The following IL21R variants were observed in gnomAD, a reference collection of about 807,000 sequenced individuals.
IL21R encodes the protein interleukin 21 receptor.
A neutral mutation model predicts 41.3 loss-of-function variants in IL21R; 14 were observed. The ratio of observed to expected loss-of-function variants is 0.34; its 90% CI spans 0.22 to 0.53. The LOEUF is 0.53. Ranked by LOEUF, IL21R falls within the 20% of genes least tolerant of loss-of-function variation. The probability of loss-of-function intolerance (pLI) is 0.94; values close to 1 mark genes in which losing one functional copy is unlikely to be tolerated. For synonymous variants in IL21R, 286 were observed against 287.6 expected, an observed-to-expected ratio of 0.99 and a Z score of 0.05; for missense variants, 588 against 681.6, an observed-to-expected ratio of 0.86 and a Z score of 1.53.
chr16:27,421,125 A>C (rs2086992967), intron 1 of IL21R, among the ~76,000 whole-genome samples: 1 of 152,136 alleles, frequency 6.6e-6, no homozygotes, highest in Non-Finnish European at 1.5e-5. Flanking sequence ...ACATAAATAT[A>C]TGCACTTCTT....
At chr16:27,412,311 AG>A (rs1870858754) in intron 1 of IL21R, among the ~76,000 whole-genome samples, 1 of 152,088 alleles carries the variant, frequency 6.6e-6, no homozygotes, top group Non-Finnish European at 1.5e-5. Flanking sequence ...TCTGTATGCC[AG>A]TACCATACTA....
intron 1 of IL21R, among the ~76,000 whole-genome samples, chr16:27,427,716 G>A (rs1420955668): frequency 6.6e-6 from 1 of 152,190 alleles, no homozygotes; most frequent in Non-Finnish European, 1.5e-5. Flanking sequence ...ACAGAGCTAT[G>A]TCAGGACTCG....
intron 1 of IL21R, among the ~76,000 whole-genome samples, chr16:27,414,284 T>C (rs2086864897): frequency 6.6e-6 from 1 of 152,014 alleles, no homozygotes; most frequent in Admixed American, 6.6e-5. Flanking sequence ...AAATGTGCTT[T>C]CTGAACTTAT....
intron 3 of IL21R, among the ~76,000 whole-genome samples, chr16:27,434,695 G>A (rs1406019415): frequency 6.6e-6 from 1 of 152,158 alleles, no homozygotes; most frequent in Non-Finnish European, 1.5e-5. Flanking sequence ...TTTCCCGCAT[G>A]ATTTTTCAAG....
chr16:27,437,484 G>C lies in IL21R; in HGVS notation c.153-4G>C. 1 of 1,612,934 alleles carries C rather than the reference G, an allele frequency of 6.2e-7. No homozygotes were observed. The highest frequency in any genetic ancestry group is 8.5e-7 in the Non-Finnish European group (1 of 1,179,904). On this transcript the variant is annotated splice_region_variant and splice_polypyrimidine_tract_variant and intron_variant, in intron 3 of 8. Coordinates refer to ENST00000337929, the MANE Select transcript of IL21R (RefSeq NM_181078.3). ...AGCCATGACCGGCTGCTTTGTCCTT[G>C]AAGGCAAGACCAGTATGAAGAGCTG...
At chr16:27,423,877 A>G (rs959575313) in intron 1 of IL21R, among the ~76,000 whole-genome samples, 1 of 152,192 alleles carries the variant, frequency 6.6e-6, no homozygotes, top group Non-Finnish European at 1.5e-5. Context: ...TAGGTAGGGC[A>G]TGTGTTCGCT....
chr16:27,408,941 T>G (rs1213903674), intron 1 of IL21R, among the ~76,000 whole-genome samples: 1 of 152,146 alleles, frequency 6.6e-6, no homozygotes, highest in Non-Finnish European at 1.5e-5. Context: ...TTGTAAATAA[T>G]GGCTGCTATG....
chr16:27,419,529 G>T (rs940640489), intron 1 of IL21R, among the ~76,000 whole-genome samples: 21 of 151,996 alleles, frequency 1.4e-4, no homozygotes, highest in African/African-American at 4.8e-4. Context: ...CTGGGTTCAT[G>T]CGATTCTTGT....
chr16:27,430,805 C>A (rs539724539), intron 2 of IL21R, among the ~76,000 whole-genome samples: 1 of 152,162 alleles, frequency 6.6e-6, no homozygotes, highest in African/African-American at 2.4e-5. Flanking sequence ...AGAGCGAGAC[C>A]CTGTCTCAAA....
At chr16:27,408,849 A>G (rs2086786227) in intron 1 of IL21R, among the ~76,000 whole-genome samples, 1 of 152,196 alleles carries the variant, frequency 6.6e-6, no homozygotes, top group South Asian at 2.1e-4. Flanking sequence ...TTGAGGAACT[A>G]GACGCATCCC....
intron 2 of IL21R, among the ~76,000 whole-genome samples, chr16:27,431,293 C>T (rs1376869607): frequency 6.6e-6 from 1 of 152,234 alleles, no homozygotes; most frequent in Non-Finnish European, 1.5e-5. Context: ...GGTCACCCAC[C>T]ATGGCTCCAC....
At position 27,449,340 on chromosome 16, in the gene IL21R, A is replaced by G; in HGVS notation, c.*57A>G. 6.6e-7 allele frequency: 1 copy of G among 1,510,284 alleles called. No individual in the cohort carries two copies. The highest frequency in any genetic ancestry group is 2.2e-4 in the Middle Eastern group (1 of 4,500). 93.6% of individuals were successfully genotyped at this position (1,510,284 alleles called of 1,614,324 possible). On this transcript the variant is annotated 3_prime_UTR_variant, in exon 9 of 9. Transcript: ENST00000337929. ...GCCACTGGGCCCTGAGCCAGAGACA[A>G]GGTCACCTGGGCTGTGATGTGAAGA...
chr16:27,433,530 C>T (rs999422214), intron 2 of IL21R, among the ~76,000 whole-genome samples: 5 of 152,224 alleles, frequency 3.3e-5, no homozygotes, highest in Admixed American at 6.5e-5. Flanking sequence ...AATTGGCACT[C>T]GAATATACAA....
At chr16:27,422,139 T>C (rs1455870184) in intron 1 of IL21R, among the ~76,000 whole-genome samples, 2 of 152,134 alleles carry the variant, frequency 1.3e-5, no homozygotes, top group Non-Finnish European at 2.9e-5. Flanking sequence ...ATCATTTTGT[T>C]AAAAAGTCCC....
chr16:27,407,391 A>G (rs2086764210), intron 1 of IL21R, among the ~76,000 whole-genome samples: 1 of 152,232 alleles, frequency 6.6e-6, no homozygotes, highest in South Asian at 2.1e-4. Context: ...CAGTTCAGAT[A>G]GGGTTGCCTC....
intron 3 of IL21R, among the ~76,000 whole-genome samples, chr16:27,436,150 C>A (rs1193122440): frequency 1.3e-5 from 2 of 152,220 alleles, no homozygotes; most frequent in East Asian, 1.9e-4. Context: ...GGTTTTGAGA[C>A]CCCGGGATGG....
At chr16:27,434,245 C>G in intron 2 of IL21R, 102 bp from the exon 3 acceptor site, 1 of 767,206 alleles carries the variant, frequency 1.3e-6, no homozygotes, top group South Asian at 1.5e-5. Context: ...GGCCTGGGGA[C>G]CCCTGCACCC....
At chr16:27,444,867 C>T in intron 6 of IL21R, 148 bp downstream of exon 6, 1 of 778,732 alleles carries the variant, frequency 1.3e-6, no homozygotes, top group Non-Finnish European at 2.0e-6. Context: ...TTTCTAGAGC[C>T]CCTGCTGGCC....
chr16:27,440,449 T>G (rs951655088), intron 4 of IL21R, among the ~76,000 whole-genome samples: 9 of 151,946 alleles, frequency 5.9e-5, no homozygotes, highest in African/African-American at 2.2e-4. Flanking sequence ...ATTTTTAAAT[T>G]TTTTGTAGAG....
Sources: gnomAD v4.1 joint callset for allele counts (sites outside exome capture counted in the v4.1 genomes callset) on GRCh38, gnomAD v4.1.1 for gene constraint, MANE v1.5 for transcripts, NCBI Gene and HGNC (gene_info 2026-07-23, HGNC 2026-07-21) for gene names.